TVP23A: variants seen among roughly 807,000 people sequenced by gnomAD.
The protein encoded by TVP23A is trans-golgi network vesicle protein 23 homolog A, also known as Golgi apparatus membrane protein TVP23 homolog A.
A neutral mutation model predicts 31.7 loss-of-function variants in TVP23A; 21 were observed. That is an observed-to-expected ratio of 0.66 (90% CI 0.47 to 0.95). The LOEUF is 0.95. Among genes scored for constraint, TVP23A ranks in the 40% least tolerant of loss-of-function variants. The pLI, the probability that TVP23A is intolerant of heterozygous loss-of-function variation, is 0.00. For synonymous variants in TVP23A, 104 were observed against 96.0 expected, an observed-to-expected ratio of 1.08 and a Z score of -0.49; for missense variants, 279 against 255.6, an observed-to-expected ratio of 1.09 and a Z score of -0.62.
chr16:10,758,089 C>T, downstream of TVP23A: 1 of 1,567,672 alleles, frequency 6.4e-7, no homozygotes, highest in Non-Finnish European at 8.7e-7. Context: ...GATTTCTTTC[C>T]TACCTGGCTC....
intron 2 of TVP23A, among the ~76,000 whole-genome samples, chr16:10,808,000 A>T (rs144657086): frequency 1.3e-5 from 2 of 152,274 alleles, no homozygotes; most frequent in East Asian, 3.9e-4. Flanking sequence ...GGTGCATGCC[A>T]CCGTGTCAGG....
intron 6 of TVP23A, among the ~76,000 whole-genome samples, chr16:10,770,554 ATC>A (rs1174985425): frequency 6.9e-6 from 1 of 145,362 alleles, no homozygotes; most frequent in Non-Finnish European, 1.5e-5. Flanking sequence ...TTTTAGAAAT[ATC>A]TATTAAGTTA....
intron 2 of TVP23A, among the ~76,000 whole-genome samples, chr16:10,804,868 T>G (rs1234076288): frequency 6.6e-6 from 1 of 152,240 alleles, no homozygotes; most frequent in East Asian, 1.9e-4. Flanking sequence ...AAGGGAACAA[T>G]TCATACTGTT....
intron 2 of TVP23A, among the ~76,000 whole-genome samples, chr16:10,791,657 G>C (rs896389410): frequency 9.9e-5 from 15 of 152,146 alleles, no homozygotes; most frequent in African/African-American, 3.4e-4. Context: ...GCCCAGGCTG[G>C]AGTGCAGTGG....
At position 10,767,320 on chromosome 16, in the gene TVP23A, G is replaced by T; in HGVS notation, c.*1782C>A. ...AGAAACCTGGGTGTGCATAGGAGGG[G>T]ACTGGAACAATGGCCACATGGCGGG... On this transcript the variant is annotated 3_prime_UTR_variant, in exon 8 of 8. Transcript: ENST00000299866. This position sits in a 1 kb window ranked among gnomAD's most constrained non-coding sequence, Gnocchi z 4.6. The T allele has an allele frequency of 2.5e-6, 1 of 399,682 alleles. No individual in the cohort carries two copies. The allele number at this position is 399,682 out of a possible 1,614,324, so 24.8% of individuals were successfully genotyped here.
At chr16:10,778,069 CA>C (rs1389001538) in intron 2 of TVP23A, among the ~76,000 whole-genome samples, 1 of 152,082 alleles carries the variant, frequency 6.6e-6, no homozygotes, top group Non-Finnish European at 1.5e-5. Context: ...TGTGGTGGCT[CA>C]CACCTGTAAT....
At chr16:10,760,062 G>C (rs1453732902), downstream of TVP23A, among the ~76,000 whole-genome samples, 1 of 152,252 alleles carries the variant, frequency 6.6e-6, no homozygotes, top group Non-Finnish European at 1.5e-5. Flanking sequence ...TTTATACACA[G>C]TAATCACATT....
chr16:10,783,978 G>A (rs137973022), intron 2 of TVP23A, among the ~76,000 whole-genome samples: 1 of 152,008 alleles, frequency 6.6e-6, no homozygotes, highest in Non-Finnish European at 1.5e-5. Context: ...TTTTAGAGCT[G>A]GGAAACTACT....
At chr16:10,813,679 C>G (rs183208941) in intron 2 of TVP23A, among the ~76,000 whole-genome samples, 9 of 152,092 alleles carry the variant, frequency 5.9e-5, no homozygotes, top group Non-Finnish European at 1.2e-4. Flanking sequence ...GTTTCCTGAA[C>G]CCCTGAAGCC....
Position 10,771,766 on chromosome 16 carries a change from A to C in TVP23A, c.486T>G (p.Ala162=). Reference sequence around the variant, plus strand: ...AAAGGATGTAGCCATACAGGTTTGCAGCTTGGAGAGAGATCCCAGCAACCA... The same window carrying C: ...AAAGGATGTAGCCATACAGGTTTGCCGCTTGGAGAGAGATCCCAGCAACCA... ...ALVVAGISLQ[A]ANLYGYILCK... The change falls in exon 6 of 8, where the codon GCT becomes GCG. Residue 162 remains alanine (A), a synonymous_variant. Transcript: ENST00000299866. The C allele has an allele frequency of 1.3e-6, 2 of 1,591,560 alleles. No homozygotes were observed. The highest frequency in any genetic ancestry group is 1.7e-6 in the Non-Finnish European group (2 of 1,168,640).
Position 10,789,002 on chromosome 16 carries a change from T to C in TVP23A, c.90-13906A>G, listed in dbSNP as rs534503257. On this transcript the variant is annotated intron_variant, in intron 2 of 7. Transcript: ENST00000299866. Reference sequence around the variant, plus strand: ...CACAACTTATTGTCCCATATTTTTATGGCCAGTTTATGCAGGCACCCCACA... The same window carrying C: ...CACAACTTATTGTCCCATATTTTTACGGCCAGTTTATGCAGGCACCCCACA... Among the ~76,000 whole-genome samples the C allele has an allele frequency of 1.0e-3, 159 of 152,334 alleles. 1 individual carries two copies. Among genetic ancestry groups the C allele is most frequent in the African/African-American group, 3.5e-3 (146 of 41,576 alleles).
chr16:10,768,908 C>A lies in TVP23A; in HGVS notation c.*194G>T. 1 of 706,826 alleles carries A rather than the reference C, an allele frequency of 1.4e-6. No homozygotes were observed. Among genetic ancestry groups the A allele is most frequent in the Non-Finnish European group, 2.5e-6 (1 of 403,704 alleles). The allele number at this position is 706,826 out of a possible 1,614,324, so 43.8% of individuals were successfully genotyped here. A position where few individuals can be genotyped will look rare whatever the true frequency, so the allele number is the denominator to read the frequency against. On this transcript the variant is annotated 3_prime_UTR_variant, in exon 8 of 8. Coordinates refer to ENST00000299866, the MANE Select transcript of TVP23A (RefSeq NM_001079512.4). This position sits in a 1 kb window ranked among gnomAD's most constrained non-coding sequence, Gnocchi z 4.3. ...TCCGGTCACTTTCAAAGACTCAGGG[C>A]ATCACAGACACAGGTCTTTTTATGG...
chr16:10,779,257 A>G lies in TVP23A; in HGVS notation c.90-4161T>C, dbSNP rs543578295. Among the ~76,000 whole-genome samples the G allele has an allele frequency of 6.6e-6, 1 of 152,212 alleles. No homozygotes were observed. Among genetic ancestry groups the G allele is most frequent in the East Asian group, 1.9e-4 (1 of 5,176 alleles). On this transcript the variant is annotated intron_variant, in intron 2 of 7. Transcript: ENST00000299866. The surrounding 1 kb of genome is among the most constrained non-coding windows in gnomAD (Gnocchi z 4.9). ...CCCTTTTAAATGTTGCTTTAATCCT[A>G]TTTTATGCAGGTTGCTCCATCAGCA...
intron 2 of TVP23A, among the ~76,000 whole-genome samples, chr16:10,800,031 T>C (rs954290611): frequency 2.1e-4 from 22 of 106,310 alleles, no homozygotes; most frequent in South Asian, 2.1e-3. Flanking sequence ...TTTTTTTTTT[T>C]CGCACTGGCA....
chr16:10,818,190 G>T lies in TVP23A; in HGVS notation c.10-8C>A. The T allele has an allele frequency of 6.2e-7, 1 of 1,600,134 alleles. No homozygotes were observed. The highest frequency in any genetic ancestry group is 8.5e-7 in the Non-Finnish European group (1 of 1,173,438). ...GGTATCGTCCACCAGGGCCTGGGAG[G>T]AGAGCAAGGGCAGGTGGCAGGCCCA... is the stretch of plus-strand genomic sequence containing the variant. On this transcript the variant is annotated splice_polypyrimidine_tract_variant and splice_region_variant and intron_variant, in intron 1 of 7. Transcript: ENST00000299866. The surrounding 1 kb of genome is among the most constrained non-coding windows in gnomAD (Gnocchi z 4.7).
chr16:10,787,391 A>G (rs890246769), intron 2 of TVP23A, among the ~76,000 whole-genome samples: 1 of 152,208 alleles, frequency 6.6e-6, no homozygotes, highest in Admixed American at 6.5e-5. Flanking sequence ...CAGCTGTGCC[A>G]ATAGGAAAAG....
chr16:10,807,516 A>G (rs2034000982), intron 2 of TVP23A, among the ~76,000 whole-genome samples: 2 of 152,178 alleles, frequency 1.3e-5, no homozygotes, highest in Admixed American at 1.3e-4. Flanking sequence ...ACTTGGCCAC[A>G]TCAGGAGACA....
At chr16:10,788,014 G>C (rs936084085) in intron 2 of TVP23A, among the ~76,000 whole-genome samples, 5 of 152,076 alleles carry the variant, frequency 3.3e-5, no homozygotes, top group Non-Finnish European at 7.4e-5. Context: ...AGCCCCATGG[G>C]GTCCTGAGAA....
rs61392688 is a variant in TVP23A at position 10,793,901 on chromosome 16, C to CAAAAAAAA, written c.90-18813_90-18806dup. Among the ~76,000 whole-genome samples, 48 of 39,184 alleles carry CAAAAAAAA rather than the reference C, an allele frequency of 1.2e-3. 3 individuals carry two copies. Among genetic ancestry groups the CAAAAAAAA allele is most frequent in the African/African-American group, 3.9e-3 (44 of 11,328 alleles). The allele number at this position is 39,184 out of a possible 152,430, so 25.7% of individuals were successfully genotyped here. A position where few individuals can be genotyped will look rare whatever the true frequency, so the allele number is the denominator to read the frequency against. On this transcript the variant is annotated intron_variant, in intron 2 of 7. Transcript: ENST00000299866. ...GTGACAGAGTGAGACCCTGTCTCAC[C>CAAAAAAAA]AAAAAAAAAAAAAAAAAAAAAAAAA...
Sources: gnomAD v4.1 joint callset for allele counts (sites outside exome capture counted in the v4.1 genomes callset) on GRCh38, gnomAD v4.1.1 for gene constraint, Gnocchi (gnomAD v3.1) non-coding constraint, MANE v1.5 for transcripts, NCBI Gene and HGNC (gene_info 2026-07-23, HGNC 2026-07-21) for gene names.